Variants in DECR2 observed in about 807,000 individuals in gnomAD.
The protein encoded by DECR2 is peroxisomal 2,4-dienoyl-CoA reductase [(3E)-enoyl-CoA-producing].
A neutral mutation model predicts 29.2 loss-of-function variants in DECR2; 34 were observed. The ratio of observed to expected loss-of-function variants is 1.16; its 90% CI spans 0.89 to 1.55. The LOEUF (loss-of-function observed/expected upper bound fraction) is 1.55. Ranked by LOEUF, DECR2 falls within the 40% of genes most tolerant of loss-of-function variation. The pLI is 0.00. For synonymous variants in DECR2, 224 were observed against 182.7 expected, an observed-to-expected ratio of 1.23 and a Z score of -1.82; for missense variants, 485 against 425.3, an observed-to-expected ratio of 1.14 and a Z score of -1.23.
rs761965448 is a variant in DECR2, at chr16:407,611, A to G, written c.337+51A>G. 1.9e-6 allele frequency: 3 copies of G among 1,606,008 alleles called. No individual in the cohort carries two copies. The South Asian group carries it at 3.3e-5, about 18-fold the overall frequency. ...TGGCTTCTCACAGGTTGGTGGTACC[A>G]TTTGGAGGCCCTAGAACTCTGGTCA... On this transcript the variant is annotated intron_variant, in intron 4 of 8. Coordinates refer to ENST00000219481, the MANE Select transcript of DECR2 (RefSeq NM_020664.4).
In DECR2 at chr16:410,831, TGGGCCGTC is replaced by T; in HGVS notation, c.556+48_556+55del. 6.7e-7 allele frequency: 1 copy of T among 1,482,178 alleles called. No individual in the cohort carries two copies. The highest frequency in any genetic ancestry group is 9.2e-7 in the Non-Finnish European group (1 of 1,089,306). The allele number at this position is 1,482,178 out of a possible 1,614,324, so 91.8% of individuals were successfully genotyped here. A position where few individuals can be genotyped will look rare whatever the true frequency, so the allele number is the denominator to read the frequency against. Reference sequence around the variant, plus strand: ...CAGGTTTGCCCACGTGGGTCCCCAATGGGCCGTCTGCTTCCATCCCAGGAGGCCAGCAG... The same window carrying T: ...CAGGTTTGCCCACGTGGGTCCCCAATTGCTTCCATCCCAGGAGGCCAGCAG... On this transcript the variant is annotated intron_variant, in intron 6 of 8. Coordinates refer to ENST00000219481, the MANE Select transcript of DECR2 (RefSeq NM_020664.4). The surrounding 1 kb of genome is among the most constrained non-coding windows in gnomAD (Gnocchi z 4.1).
chr16:407,126 G>A (rs1409592936), intron 3 of DECR2: 2 of 1,204,748 alleles, frequency 1.7e-6, no homozygotes, highest in South Asian at 2.8e-5. Flanking sequence ...TGGGAGGAGA[G>A]TCTCACCTGT....
intron 3 of DECR2, 182 bp downstream of exon 3, chr16:406,579 C>T (rs1251754567): frequency 1.2e-5 from 8 of 654,274 alleles, no homozygotes; most frequent in Non-Finnish European, 2.1e-5. Flanking sequence ...CTCACTGCAG[C>T]CTCCACCTCC....
At chr16:409,665 C>T (rs1032564628) in intron 4 of DECR2, 4 of 152,522 alleles carry the variant, frequency 2.6e-5, no homozygotes, top group Non-Finnish European at 4.4e-5. Context: ...CAGAGTACTA[C>T]GACCTGTGTG....
chr16:404,379 C>T (rs1218760075), intron 1 of DECR2, among the ~76,000 whole-genome samples: 2 of 150,572 alleles, frequency 1.3e-5, no homozygotes, highest in Non-Finnish European at 3.0e-5. Context: ...GCTGGGATTA[C>T]AGGCATGCAC....
intron 7 of DECR2, 116 bp from the exon 8 acceptor site, chr16:411,245 G>C: frequency 8.2e-7 from 1 of 1,225,242 alleles, no homozygotes; most frequent in Admixed American, 2.5e-5. Context: ...CTAGGCCTTG[G>C]TGACACTGAC....
chr16:405,590 T>C, intron 2 of DECR2: 1 of 1,304,224 alleles, frequency 7.7e-7, no homozygotes, highest in Non-Finnish European at 1.0e-6. Context: ...ATGGTTATTG[T>C]GGGCAAGCAA....
In DECR2 at chr16:403,163, A is replaced by T. The variant is rs1477875279; in HGVS notation, c.80+1120A>T. 6 of 307,232 alleles carry T rather than the reference A, an allele frequency of 2.0e-5. No individual in the cohort carries two copies. In the South Asian group the frequency reaches 7.7e-4, roughly 40 times the overall value. 19.0% of individuals were successfully genotyped at this position (307,232 alleles called of 1,614,324 possible). Reference sequence around the variant, plus strand: ...AGCCTCAGTGCGCCCAAGTGGGACTATAGGCACACAATACCACGCTGGGCT... The same window carrying T: ...AGCCTCAGTGCGCCCAAGTGGGACTTTAGGCACACAATACCACGCTGGGCT... On this transcript the variant is annotated intron_variant, in intron 1 of 8. Coordinates refer to ENST00000219481, the MANE Select transcript of DECR2 (RefSeq NM_020664.4).
In DECR2 at chr16:412,181, G is replaced by C. The variant is rs1303231277; in HGVS notation, c.*292G>C. On this transcript the variant is annotated 3_prime_UTR_variant, in exon 9 of 9. Coordinates refer to ENST00000219481, the MANE Select transcript of DECR2 (RefSeq NM_020664.4). ...GGGATGTCCCCTGCCCCATGGTCAAGGGTGTCCTGCCTGCCTGGGTCCAGG... is the reference window on the plus strand; with the variant it reads ...GGGATGTCCCCTGCCCCATGGTCAACGGTGTCCTGCCTGCCTGGGTCCAGG... 2.0e-5 allele frequency: 3 copies of C among 152,692 alleles called. No homozygotes were observed. Among genetic ancestry groups the C allele is most frequent in the Non-Finnish European group, 2.9e-5 (2 of 68,424 alleles). The allele number at this position is 152,692 out of a possible 1,614,324, so 9.5% of individuals were successfully genotyped here.
intron 8 of DECR2, 46 bp downstream of exon 8, chr16:411,624 G>C (rs149523719): frequency 1.3e-6 from 2 of 1,565,894 alleles, no homozygotes; most frequent in African/African-American, 1.3e-5. Flanking sequence ...GTCCTTGGAC[G>C]CTGGTCACTG....
intron 2 of DECR2, 107 bp downstream of exon 2, chr16:405,131 T>C: frequency 7.4e-7 from 1 of 1,354,946 alleles, no homozygotes. Context: ...TGTCCCCTGC[T>C]CACCTACCCG....
intron 1 of DECR2, among the ~76,000 whole-genome samples, chr16:404,192 TAAATA>T (rs1567338923): frequency 1.3e-5 from 2 of 150,898 alleles, no homozygotes; most frequent in African/African-American, 2.5e-5. Context: ...AAAAAATAAA[TAAATA>T]AATTAAATAA....
At chr16:405,398 TG>T in intron 2 of DECR2, 1 of 630,984 alleles carries the variant, frequency 1.6e-6, no homozygotes. Context: ...AGAGTTAGGC[TG>T]GGGTGGGGGA....
chr16:406,418 G>A (rs777499576), intron 3 of DECR2, 21 bp downstream of exon 3: 120 of 1,605,778 alleles, frequency 7.5e-5, no homozygotes, highest in Non-Finnish European at 9.8e-5. Flanking sequence ...CTCTCCCATG[G>A]TCCCCTGTTC....
In DECR2 at chr16:410,743, A is replaced by G. The variant is rs1265864994; in HGVS notation, c.515A>G (p.Gln172Arg). ...ACTGCCACCCTGGGGAACCGGGGGC[A>G]GGCGCTCCAGGTGCATGCAGGCTCC... ...NITATLGNRG[Q>R]ALQVHAGSAK... Residue 172 changes from glutamine to arginine, a missense_variant, in exon 6 of 9, where the codon CAG becomes CGG. Transcript: ENST00000219481. This position sits in a 1 kb window ranked among gnomAD's most constrained non-coding sequence, Gnocchi z 4.1. 6.2e-7 allele frequency: 1 copy of G among 1,607,036 alleles called. No homozygotes were observed. Among genetic ancestry groups the G allele is most frequent in the Non-Finnish European group, 8.5e-7 (1 of 1,178,422 alleles).
At chr16:408,206 C>T (rs545901961) in intron 4 of DECR2, among the ~76,000 whole-genome samples, 47 of 142,874 alleles carry the variant, frequency 3.3e-4, no homozygotes, top group African/African-American at 1.2e-3. Context: ...CCCCTGTCTC[C>T]GGCCCCCTGT....
intron 1 of DECR2, among the ~76,000 whole-genome samples, chr16:403,302 G>A (rs889874808): frequency 3.9e-5 from 6 of 152,154 alleles, no homozygotes; most frequent in African/African-American, 1.2e-4. Context: ...TGACAGGAGT[G>A]AGACGCTGCA....
At chr16:407,927 G>A (rs113612955) in intron 4 of DECR2, among the ~76,000 whole-genome samples, 7,672 of 29,170 alleles carry the variant, frequency 0.26, 1,727 homozygotes, top group Middle Eastern at 0.5. Context: ...CCCCATCTCC[G>A]GCCCCCTGTC....
chr16:411,310 G>A (rs974466045), intron 7 of DECR2, 51 bp from the exon 8 acceptor site: 5 of 1,531,300 alleles, frequency 3.3e-6, no homozygotes, highest in Admixed American at 1.8e-5. Flanking sequence ...GGAGAGGGGA[G>A]GGTGCTGGGT....
Sources: allele counts gnomAD v4.1 joint callset (sites outside exome capture counted in the v4.1 genomes callset), GRCh38; gene constraint gnomAD v4.1.1; non-coding constraint Gnocchi (gnomAD v3.1); transcripts MANE v1.5; gene names NCBI Gene and HGNC (gene_info 2026-07-23, HGNC 2026-07-21).